CNOT4: variants seen among roughly 807,000 people sequenced by gnomAD.
CNOT4 encodes the protein CCR4-associated factor 4.
A neutral mutation model predicts 73.8 loss-of-function variants in CNOT4; 8 were observed. The observed-to-expected ratio is 0.11, with a 90% CI of 0.06 to 0.20. CNOT4 has a LOEUF of 0.20. CNOT4 is among the 10% of genes least tolerant of loss of function. CNOT4 has a pLI of 1.00. For synonymous variants in CNOT4, 293 were observed against 321.1 expected (o/e 0.91, Z 0.94); for missense variants, 564 against 883.4 (o/e 0.64, Z 4.58).
At chr7:135,444,147 T>A (rs777251415) in intron 1 of CNOT4, among the ~76,000 whole-genome samples, 1,451 of 80,648 alleles carry the variant, frequency 0.018, 39 homozygotes, top group Middle Eastern at 0.02. Context: ...TTTCAAAAAA[T>A]AATAATAATA....
intron 1 of CNOT4, among the ~76,000 whole-genome samples, chr7:135,453,141 G>A (rs1205829103): frequency 1.3e-5 from 2 of 152,060 alleles, no homozygotes; most frequent in African/African-American, 4.8e-5. Context: ...TAGTCCGTCT[G>A]GACTCCTATA....
chr7:135,448,750 C>T (rs577287294), intron 1 of CNOT4, among the ~76,000 whole-genome samples: 28 of 151,792 alleles, frequency 1.8e-4, no homozygotes, highest in Non-Finnish European at 3.1e-4. Flanking sequence ...TGGACAATAT[C>T]GATAAAGAGA....
chr7:135,429,523 A>G (rs1448092269), intron 2 of CNOT4, among the ~76,000 whole-genome samples: 1 of 152,180 alleles, frequency 6.6e-6, no homozygotes, highest in Non-Finnish European at 1.5e-5. Context: ...AGATATCATC[A>G]CATTATGCAA....
intron 1 of CNOT4, among the ~76,000 whole-genome samples, chr7:135,467,399 C>G (rs1801286692): frequency 6.6e-6 from 1 of 152,108 alleles, no homozygotes; most frequent in Non-Finnish European, 1.5e-5. Flanking sequence ...TTAGTCAACA[C>G]TTTATGATGT....
At chr7:135,387,870 C>T in intron 10 of CNOT4, 1 of 969,856 alleles carries the variant, frequency 1.0e-6, no homozygotes, top group Non-Finnish European at 1.2e-6. Context: ...CCAATCTCTT[C>T]TCTTCTGCCT....
At chr7:135,480,572 T>C (rs929034972) in intron 1 of CNOT4, among the ~76,000 whole-genome samples, 1 of 152,174 alleles carries the variant, frequency 6.6e-6, no homozygotes. Flanking sequence ...TTTTTTTCTT[T>C]AAGAGATGAG....
intron 2 of CNOT4, among the ~76,000 whole-genome samples, chr7:135,434,206 T>C (rs879325798): frequency 1.3e-5 from 2 of 152,192 alleles, no homozygotes; most frequent in Non-Finnish European, 2.9e-5. Context: ...AGCAACATTG[T>C]GGTTTTCCTC....
intron 1 of CNOT4, among the ~76,000 whole-genome samples, chr7:135,495,244 C>A (rs1382112694): frequency 6.6e-6 from 1 of 152,188 alleles, no homozygotes; most frequent in South Asian, 2.1e-4. Flanking sequence ...TTGGCTCACG[C>A]CTGTAATCCC....
chr7:135,475,827 C>T (rs933966255), intron 1 of CNOT4, among the ~76,000 whole-genome samples: 1 of 152,118 alleles, frequency 6.6e-6, no homozygotes, highest in Non-Finnish European at 1.5e-5. Flanking sequence ...GGGAGGACAG[C>T]TTGAGCCCAG....
rs528935142 is a variant in CNOT4 at position 135,370,096 on chromosome 7, T to A, written c.1628-6030A>T. The stretch of plus-strand genomic sequence containing the variant: ...GAAAAATGTTATTCTAGTTAAATAG[T>A]TTACACTCAAATTTCTACAACTATG... On this transcript the variant is annotated intron_variant, in intron 10 of 11. Transcript: ENST00000541284. Among the ~76,000 whole-genome samples, 56 of 152,278 alleles carry A rather than the reference T, an allele frequency of 3.7e-4. 2 individuals are homozygous for A. The South Asian group carries it at 0.011, about 31-fold the overall frequency.
intron 2 of CNOT4, among the ~76,000 whole-genome samples, chr7:135,429,430 A>C (rs1331908877): frequency 6.6e-6 from 1 of 151,942 alleles, no homozygotes; most frequent in Non-Finnish European, 1.5e-5. Context: ...AATCATGTTG[A>C]CTCTTTTAGA....
At chr7:135,434,300 T>C (rs1799024735) in intron 2 of CNOT4, among the ~76,000 whole-genome samples, 2 of 152,166 alleles carry the variant, frequency 1.3e-5, no homozygotes, top group African/African-American at 2.4e-5. Context: ...TCACAAATAT[T>C]TATCTTGCGC....
chr7:135,468,440 G>A (rs147152057), intron 1 of CNOT4, among the ~76,000 whole-genome samples: 7 of 152,092 alleles, frequency 4.6e-5, no homozygotes, highest in Non-Finnish European at 7.4e-5. Flanking sequence ...GAACACTTTG[G>A]GAGGCCAAGG....
At chr7:135,373,877 A>G (rs934004739) in intron 10 of CNOT4, among the ~76,000 whole-genome samples, 3 of 152,258 alleles carry the variant, frequency 2.0e-5, no homozygotes, top group Admixed American at 2.0e-4. Flanking sequence ...CACCATGCCC[A>G]GTCTAGAATT....
chr7:135,443,683 G>A (rs1471582888), intron 1 of CNOT4, among the ~76,000 whole-genome samples: 1 of 152,186 alleles, frequency 6.6e-6, no homozygotes, highest in East Asian at 1.9e-4. Context: ...ACTAGTAACT[G>A]TGACATGTGT....
chr7:135,436,919 A>T (rs916022694), intron 2 of CNOT4, among the ~76,000 whole-genome samples: 5 of 152,114 alleles, frequency 3.3e-5, no homozygotes, highest in Non-Finnish European at 5.9e-5. Context: ...AGTAATGAAC[A>T]CAAGAGGTCT....
At chr7:135,509,458 G>A (rs534535667) in intron 1 of CNOT4, 1 of 152,828 alleles carries the variant, frequency 6.5e-6, no homozygotes, top group South Asian at 2.1e-4. Context: ...ACACGGATCA[G>A]AGTGGAAGTG....
In CNOT4 at chr7:135,450,126, G is replaced by A. The variant is rs541116840; in HGVS notation, c.-92-11703C>T. Among the ~76,000 whole-genome samples, 173 of 152,190 alleles carry A rather than the reference G, an allele frequency of 1.1e-3. 4 individuals are homozygous for A. In the South Asian group the frequency reaches 0.034, roughly 30 times the overall value. On this transcript the variant is annotated intron_variant, in intron 1 of 11. Transcript: ENST00000541284. Reference sequence around the variant, plus strand: ...CTTGGGAAACTGAGGCAGGAGAATCGCTTAAGCCCAGGAGTTCAAGGCCAG... The same window carrying A: ...CTTGGGAAACTGAGGCAGGAGAATCACTTAAGCCCAGGAGTTCAAGGCCAG...
chr7:135,413,651 A>T (rs764706929), intron 5 of CNOT4, 38 bp from the exon 6 acceptor site: 1 of 1,588,774 alleles, frequency 6.3e-7, no homozygotes, highest in Non-Finnish European at 8.6e-7. Context: ...AGAAGACTCA[A>T]TGTGAACTGA....
Sources: gnomAD v4.1 joint callset for allele counts (sites outside exome capture counted in the v4.1 genomes callset) on GRCh38, gnomAD v4.1.1 for gene constraint, MANE v1.5 for transcripts, NCBI Gene and HGNC (gene_info 2026-07-23, HGNC 2026-07-21) for gene names.